CDK14: variants seen among roughly 807,000 people sequenced by gnomAD.
The protein encoded by CDK14 is cyclin dependent kinase 14.
A neutral mutation model predicts 60.7 loss-of-function variants in CDK14; 34 were observed. The observed-to-expected ratio is 0.56, with a 90% CI of 0.43 to 0.75. CDK14 has a LOEUF of 0.75. Ranked by LOEUF, CDK14 falls within the 30% of genes least tolerant of loss-of-function variation. CDK14 has a pLI of 0.00. For synonymous variants in CDK14, 197 were observed against 203.7 expected (o/e 0.97, Z 0.28); for missense variants, 482 against 564.1 (o/e 0.85, Z 1.47).
At chr7:90,600,157 T>C (rs1012118331) in intron 1 of CDK14, among the ~76,000 whole-genome samples, 12 of 152,354 alleles carry the variant, frequency 7.9e-5, no homozygotes, top group Admixed American at 2.6e-4. Flanking sequence ...TCAATTTCGG[T>C]AGTATTTATG....
intron 2 of CDK14, among the ~76,000 whole-genome samples, chr7:90,706,567 G>T (rs1452061554): frequency 1.3e-5 from 2 of 152,140 alleles, no homozygotes; most frequent in Non-Finnish European, 2.9e-5. Flanking sequence ...AACAAAAACA[G>T]TGTAATGTGA....
At chr7:90,708,982 C>T (rs573002993) in intron 2 of CDK14, among the ~76,000 whole-genome samples, 1 of 152,206 alleles carries the variant, frequency 6.6e-6, no homozygotes, top group South Asian at 2.1e-4. Flanking sequence ...CCTTTGCCGC[C>T]TAGCACCTTG....
Position 91,134,114 on chromosome 7 carries a change from G to T in CDK14, c.*28+15906G>T, listed in dbSNP as rs12112652. ...TCAATGGGCTTTTCAAAAGGTGAGG[G>T]CTTTTTGTGGGGGGAGGGCATTGAG... On this transcript the variant is annotated intron_variant, in intron 14 of 14. Coordinates refer to ENST00000380050, the MANE Select transcript of CDK14 (RefSeq NM_001287135.2). 9.7e-3 allele frequency among the ~76,000 whole-genome samples: 1,473 copies of T among 152,210 alleles called. 21 individuals are homozygous for T. The highest frequency in any genetic ancestry group is 0.032 in the African/African-American group (1,334 of 41,540).
At chr7:91,094,020 A>G (rs1422515588) in intron 12 of CDK14, among the ~76,000 whole-genome samples, 3 of 152,052 alleles carry the variant, frequency 2.0e-5, no homozygotes, top group Non-Finnish European at 2.9e-5. Flanking sequence ...ACTGGGGACT[A>G]TTGGGAGGAG....
intron 4 of CDK14, among the ~76,000 whole-genome samples, chr7:90,773,896 T>TCTC (rs59559391): frequency 1.8e-5 from 1 of 56,322 alleles, no homozygotes; most frequent in Non-Finnish European, 3.2e-5. Context: ...CCTCTCCTCT[T>TCTC]TTCTTTCTTT....
At chr7:90,770,567 C>T (rs1804744550) in intron 4 of CDK14, among the ~76,000 whole-genome samples, 1 of 152,208 alleles carries the variant, frequency 6.6e-6, no homozygotes, top group Admixed American at 6.5e-5. Context: ...CCAGCAAGAT[C>T]AAATATCACA....
At chr7:90,702,836 TA>T (rs2116619337) in intron 2 of CDK14, among the ~76,000 whole-genome samples, 1 of 152,272 alleles carries the variant, frequency 6.6e-6, no homozygotes, top group East Asian at 1.9e-4. Flanking sequence ...CAAATGTAAT[TA>T]AAAATTATTT....
rs1477209890 is a variant in CDK14, at chr7:90,863,232, AT to A, written c.603del (p.His201GlnfsTer6). ...ANIVLLHDII[H>X]TKETLTLVFE... The stretch of plus-strand genomic sequence containing the variant: ...ATAGTGCTACTTCATGACATCATCC[AT>A]ACCAAGGAGACGCTGACACTTGTGT... On this transcript the variant is annotated frameshift_variant, in exon 6 of 15. Transcript: ENST00000380050. LOFTEE classifies it high-confidence loss of function. 6.2e-7 allele frequency: 1 copy of A among 1,609,544 alleles called. No individual in the cohort carries two copies. The highest frequency in any genetic ancestry group is 1.7e-5 in the Admixed American group (1 of 59,810).
At chr7:90,961,262 T>C (rs1794596576) in intron 9 of CDK14, among the ~76,000 whole-genome samples, 1 of 152,196 alleles carries the variant, frequency 6.6e-6, no homozygotes, top group South Asian at 2.1e-4. Context: ...ATATAGTGGG[T>C]GTCTTTCACT....
intron 8 of CDK14, among the ~76,000 whole-genome samples, chr7:90,932,319 G>A (rs950745307): frequency 1.1e-4 from 17 of 152,142 alleles, no homozygotes; most frequent in African/African-American, 3.4e-4. Context: ...AGCCTGGCCA[G>A]CATAGTGAGA....
At chr7:90,610,233 C>T (rs1207409951) in intron 2 of CDK14, among the ~76,000 whole-genome samples, 1 of 152,122 alleles carries the variant, frequency 6.6e-6, no homozygotes, top group Non-Finnish European at 1.5e-5. Flanking sequence ...CTTTGTACTT[C>T]ATTTGTAATG....
chr7:91,103,047 G>A (rs2116320437), intron 12 of CDK14, among the ~76,000 whole-genome samples: 1 of 152,196 alleles, frequency 6.6e-6, no homozygotes, highest in East Asian at 1.9e-4. Flanking sequence ...TGAGTTCAGG[G>A]TTCGAGACCA....
chr7:90,930,997 T>A (rs1241132391), intron 8 of CDK14, among the ~76,000 whole-genome samples: 1 of 152,208 alleles, frequency 6.6e-6, no homozygotes, highest in Non-Finnish European at 1.5e-5. Flanking sequence ...ATCTTTTAAA[T>A]AACAACATGA....
At chr7:90,952,297 C>T (rs187065774) in intron 8 of CDK14, among the ~76,000 whole-genome samples, 2 of 152,182 alleles carry the variant, frequency 1.3e-5, no homozygotes, top group African/African-American at 2.4e-5. Flanking sequence ...TAGAACCAGG[C>T]TCAGGGTAGC....
At chr7:90,633,743 ATCTTT>A (rs1484347759) in intron 2 of CDK14, among the ~76,000 whole-genome samples, 1 of 151,482 alleles carries the variant, frequency 6.6e-6, no homozygotes, top group Non-Finnish European at 1.5e-5. Flanking sequence ...TATTTTATAA[ATCTTT>A]TTTTTTCTTT....
chr7:90,671,122 C>G (rs542830606), intron 2 of CDK14, among the ~76,000 whole-genome samples: 3 of 152,024 alleles, frequency 2.0e-5, no homozygotes, highest in Non-Finnish European at 4.4e-5. Context: ...AGATGGCTCC[C>G]GTTTCCCACC....
At chr7:91,007,345 C>G (rs1796007756) in intron 10 of CDK14, among the ~76,000 whole-genome samples, 1 of 152,202 alleles carries the variant, frequency 6.6e-6, no homozygotes, top group Non-Finnish European at 1.5e-5. Flanking sequence ...GCATTATTCC[C>G]TGGAGAACAG....
chr7:90,846,552 G>C (rs913145613), intron 5 of CDK14, among the ~76,000 whole-genome samples: 2 of 152,082 alleles, frequency 1.3e-5, no homozygotes, highest in African/African-American at 4.8e-5. Flanking sequence ...CAGTACCCCA[G>C]ATTCTAAAAT....
rs527415924 is a variant in CDK14, at chr7:91,153,560, A to G, written c.*28+35352A>G. ...GAATACTGTGCAGCCATAAAAAAGA[A>G]TGAGATCATGTCCTTTGCAGGGACA... On this transcript the variant is annotated intron_variant, in intron 14 of 14. Coordinates refer to ENST00000380050, the MANE Select transcript of CDK14 (RefSeq NM_001287135.2). Among the ~76,000 whole-genome samples the G allele has an allele frequency of 6.9e-4, 105 of 152,320 alleles. 1 individual carries two copies. The highest frequency in any genetic ancestry group is 2.9e-3 in the South Asian group (14 of 4,828).
Sources: gnomAD v4.1 joint callset for allele counts (sites outside exome capture counted in the v4.1 genomes callset) on GRCh38, gnomAD v4.1.1 for gene constraint, MANE v1.5 for transcripts, NCBI Gene and HGNC (gene_info 2026-07-23, HGNC 2026-07-21) for gene names.